Variants in AOAH observed in about 807,000 individuals in gnomAD.
AOAH encodes the protein acyloxyacyl hydrolase, also known as acyloxyacyl hydrolase (neutrophil).
AOAH carries 64 observed loss-of-function variants against 92.2 expected under a neutral mutation model. The observed-to-expected ratio is 0.69, with a 90% CI of 0.57 to 0.86. The LOEUF (loss-of-function observed/expected upper bound fraction) is 0.86. Ranked by LOEUF, AOAH falls within the 40% of genes least tolerant of loss-of-function variation. The pLI, the probability that AOAH is intolerant of heterozygous loss-of-function variation, is 0.00. For missense variants in AOAH, 656 were observed against 694.6 expected (o/e 0.94, Z 0.62); for synonymous variants, 263 against 254.5 (o/e 1.03, Z -0.32).
chr7:36,690,142 A>C, intron 1 of AOAH: 2 of 453,808 alleles, frequency 4.4e-6, no homozygotes, highest in Non-Finnish European at 8.9e-6. Flanking sequence ...AATCCCATCA[A>C]GGACTCTTAT....
At chr7:36,536,851 G>A (rs1785090672) in intron 16 of AOAH, among the ~76,000 whole-genome samples, 1 of 149,016 alleles carries the variant, frequency 6.7e-6, no homozygotes, top group African/African-American at 2.5e-5. Context: ...CGGGGGAGCT[G>A]AGGCAGGAGC....
intron 1 of AOAH, among the ~76,000 whole-genome samples, chr7:36,701,072 A>C (rs541962166): frequency 6.6e-6 from 1 of 152,046 alleles, no homozygotes; most frequent in African/African-American, 2.4e-5. Flanking sequence ...CTTTTTAAAA[A>C]TTTTTTTAAG....
chr7:36,629,590 G>A (rs2116202614), intron 6 of AOAH, among the ~76,000 whole-genome samples: 1 of 152,284 alleles, frequency 6.6e-6, no homozygotes. Flanking sequence ...GGTGTTGCTA[G>A]CACTTCTGGG....
At chr7:36,714,665 G>C (rs1799007761) in intron 1 of AOAH, among the ~76,000 whole-genome samples, 1 of 152,188 alleles carries the variant, frequency 6.6e-6, no homozygotes, top group Non-Finnish European at 1.5e-5. Context: ...ATGCAAGGCT[G>C]GTTCAACATA....
At chr7:36,609,554 C>A (rs897562026) in intron 11 of AOAH, among the ~76,000 whole-genome samples, 1 of 152,088 alleles carries the variant, frequency 6.6e-6, no homozygotes, top group African/African-American at 2.4e-5. Flanking sequence ...TGCTTTCAAG[C>A]CTTTGCACGT....
Position 36,547,288 on chromosome 7 carries a change from G to C in AOAH, c.1133+1324C>G, listed in dbSNP as rs141889648. The stretch of plus-strand genomic sequence containing the variant: ...GGGGACAGCAGTAAACCAGCCTAAG[G>C]GCACCAAGGTGACATCTGGCGTATC... On this transcript the variant is annotated intron_variant, in intron 15 of 20. Transcript: ENST00000617537. 8.7e-3 allele frequency among the ~76,000 whole-genome samples: 1,332 copies of C among 152,308 alleles called. 19 individuals are homozygous for C. The highest frequency in any genetic ancestry group is 0.03 in the African/African-American group (1,260 of 41,550).
At chr7:36,648,528 G>T (rs1794375284) in intron 4 of AOAH, among the ~76,000 whole-genome samples, 1 of 151,436 alleles carries the variant, frequency 6.6e-6, no homozygotes, top group Non-Finnish European at 1.5e-5. Context: ...TTTTGACTTT[G>T]TGAAGGGGGC....
intron 3 of AOAH, 123 bp from the exon 4 acceptor site, chr7:36,659,388 G>A (rs1584051692): frequency 1.3e-6 from 1 of 760,264 alleles, no homozygotes; most frequent in Admixed American, 2.2e-5. Flanking sequence ...CTTGCAGAGT[G>A]GCCTTTGACC....
intron 12 of AOAH, among the ~76,000 whole-genome samples, chr7:36,583,520 G>A (rs1789087514): frequency 6.6e-6 from 1 of 152,092 alleles, no homozygotes; most frequent in Admixed American, 6.6e-5. Context: ...GCCTCAGAGA[G>A]TGATAAACAT....
chr7:36,569,511 A>G (rs937043679), intron 13 of AOAH, among the ~76,000 whole-genome samples: 23 of 144,012 alleles, frequency 1.6e-4, no homozygotes, highest in East Asian at 4.0e-4. Context: ...CTATCTATCT[A>G]TCTGTCTATC....
intron 6 of AOAH, among the ~76,000 whole-genome samples, chr7:36,628,270 A>AAAAG (rs1420525166): frequency 6.6e-6 from 1 of 152,248 alleles, no homozygotes; most frequent in African/African-American, 2.4e-5. Context: ...ACATTAAATA[A>AAAAG]AAAGAATAGA....
At chr7:36,555,383 C>T (rs1439993414) in intron 13 of AOAH, among the ~76,000 whole-genome samples, 5 of 151,972 alleles carry the variant, frequency 3.3e-5, no homozygotes, top group Admixed American at 2.6e-4. Flanking sequence ...TGGATTCGGT[C>T]TGCCAGTATT....
chr7:36,547,544 G>T (rs541364515), intron 15 of AOAH, among the ~76,000 whole-genome samples: 17 of 152,328 alleles, frequency 1.1e-4, no homozygotes, highest in African/African-American at 4.1e-4. Flanking sequence ...GTCCAGCTCT[G>T]CCATTAATCA....
chr7:36,684,987 T>C (rs1240257595), intron 2 of AOAH, among the ~76,000 whole-genome samples: 16 of 109,322 alleles, frequency 1.5e-4, no homozygotes, highest in Admixed American at 1.4e-3. Flanking sequence ...ACATGAAAGA[T>C]AAAAGCACCT....
At chr7:36,684,531 A>G (rs575723594) in intron 2 of AOAH, among the ~76,000 whole-genome samples, 14 of 152,232 alleles carry the variant, frequency 9.2e-5, no homozygotes, top group Admixed American at 5.2e-4. Flanking sequence ...GTCAATTAAT[A>G]AATAAGAAAT....
intron 5 of AOAH, among the ~76,000 whole-genome samples, chr7:36,632,347 TCTTCCCAG>T (rs759080198): frequency 1.3e-5 from 2 of 152,192 alleles, no homozygotes; most frequent in Non-Finnish European, 2.9e-5. Flanking sequence ...TCCAGCCAGC[TCTTCCCAG>T]CTTCCCAGCC....
At chr7:36,602,382 A>G (rs1790676383) in intron 11 of AOAH, among the ~76,000 whole-genome samples, 1 of 151,724 alleles carries the variant, frequency 6.6e-6, no homozygotes, top group African/African-American at 2.4e-5. Context: ...TCACTGCCGC[A>G]TACCAAATGA....
chr7:36,610,125 T>C (rs1206911008), intron 11 of AOAH, among the ~76,000 whole-genome samples: 1 of 118,008 alleles, frequency 8.5e-6, no homozygotes, highest in African/African-American at 3.1e-5. Flanking sequence ...TTTTCTTTTT[T>C]CTTTTTTTTT....
At chr7:36,720,013 C>A (rs1799516907) in intron 1 of AOAH, among the ~76,000 whole-genome samples, 1 of 151,904 alleles carries the variant, frequency 6.6e-6, no homozygotes, top group Non-Finnish European at 1.5e-5. Flanking sequence ...TCACCTTTTG[C>A]TCAGAAAAGT....
Sources: allele counts gnomAD v4.1 joint callset (sites outside exome capture counted in the v4.1 genomes callset), GRCh38; gene constraint gnomAD v4.1.1; transcripts MANE v1.5; gene names NCBI Gene and HGNC (gene_info 2026-07-23, HGNC 2026-07-21).